The following SEMA6D variants were observed in gnomAD, a reference collection of about 807,000 sequenced individuals.
SEMA6D encodes the protein semaphorin 6D, also known as semaphorin-6D.
Under a neutral mutation model 106.6 loss-of-function variants are expected in SEMA6D, and 35 were observed. The ratio of observed to expected loss-of-function variants is 0.33; its 90% confidence interval spans 0.25 to 0.44. The LOEUF (loss-of-function observed/expected upper bound fraction) is 0.44, where lower values mean the gene tolerates loss of function less well. Ranked by LOEUF, SEMA6D falls within the 20% of genes least tolerant of loss-of-function variation. SEMA6D has a pLI of 1.00. For synonymous variants in SEMA6D, 499 were observed against 487.7 expected (o/e 1.02, Z -0.31); for missense variants, 1,185 against 1,345.9 (o/e 0.88, Z 1.87).
Position 47,689,850 on chromosome 15 carries a change from C to CG in SEMA6D, c.-54-69891dup, listed in dbSNP as rs551252514. On this transcript the variant is annotated intron_variant, in intron 4 of 19. Transcript: ENST00000558014. Reference sequence around the variant, plus strand: ...TGACAGTCTGATGAAATGAGCTTGCCGGGGCACACAGCTTTTTGGTATGCA... The same window carrying CG: ...TGACAGTCTGATGAAATGAGCTTGCCGGGGGCACACAGCTTTTTGGTATGCA... Among the ~76,000 whole-genome samples the CG allele has an allele frequency of 2.4e-4, 37 of 152,290 alleles. 1 individual carries two copies. The South Asian group carries it at 7.0e-3, about 29-fold the overall frequency.
At chr15:47,286,860 A>T (rs2035386060) in intron 1 of SEMA6D, among the ~76,000 whole-genome samples, 1 of 152,162 alleles carries the variant, frequency 6.6e-6, no homozygotes, top group Non-Finnish European at 1.5e-5. Flanking sequence ...AAAGTGGCTG[A>T]TACCCTATCT....
Position 47,730,662 on chromosome 15 carries a change from C to T in SEMA6D, c.-55+12970C>T, listed in dbSNP as rs1160590542. The T allele has an allele frequency of 1.1e-5, 17 of 1,607,532 alleles. No individual in the cohort carries two copies. In the East Asian group the frequency reaches 2.0e-4, roughly 19 times the overall value. ...TACTTGTGGGCCAGCTTATGCAGCT[C>T]GCTGTTTGGCGGTCCAGGGCCTGGG... On this transcript the variant is annotated intron_variant, in intron 1 of 18. Transcript: ENST00000536845.
At chr15:47,325,092 A>G (rs1489028183) in intron 1 of SEMA6D, among the ~76,000 whole-genome samples, 1 of 152,190 alleles carries the variant, frequency 6.6e-6, no homozygotes, top group African/African-American at 2.4e-5. Context: ...TAGAGTAGGC[A>G]ATATTTAATT....
chr15:47,402,638 G>T (rs2146019362), intron 1 of SEMA6D, among the ~76,000 whole-genome samples: 1 of 152,172 alleles, frequency 6.6e-6, no homozygotes, highest in South Asian at 2.1e-4. Flanking sequence ...TTTCCACTGG[G>T]CCCCTCCAGC....
chr15:47,301,104 A>G (rs560276506), intron 1 of SEMA6D, among the ~76,000 whole-genome samples: 3 of 152,328 alleles, frequency 2.0e-5, no homozygotes, highest in African/African-American at 4.8e-5. Flanking sequence ...GAGCTAGACA[A>G]AATGGAGTTC....
intron 4 of SEMA6D, among the ~76,000 whole-genome samples, chr15:47,676,330 C>T (rs1305308544): frequency 2.0e-5 from 3 of 152,130 alleles, no homozygotes; most frequent in African/African-American, 7.2e-5. Flanking sequence ...TAAAACTGCA[C>T]CCATCATGTC....
intron 4 of SEMA6D, among the ~76,000 whole-genome samples, chr15:47,682,973 A>G (rs901363830): frequency 2.6e-5 from 4 of 152,236 alleles, no homozygotes; most frequent in South Asian, 2.1e-4. Flanking sequence ...GCCTGAATAC[A>G]GTGAGCACGT....
intron 3 of SEMA6D, among the ~76,000 whole-genome samples, chr15:47,478,253 T>C (rs538607783): frequency 2.6e-5 from 4 of 152,324 alleles, no homozygotes; most frequent in East Asian, 3.9e-4. Flanking sequence ...GGTTTGCCTC[T>C]TTCTATTTTG....
At chr15:47,585,460 A>G (rs895178812) in intron 3 of SEMA6D, among the ~76,000 whole-genome samples, 1 of 152,138 alleles carries the variant, frequency 6.6e-6, no homozygotes, top group African/African-American at 2.4e-5. Flanking sequence ...CAGCCCCAAT[A>G]TGGGAGCCTA....
intron 4 of SEMA6D, among the ~76,000 whole-genome samples, chr15:47,642,968 GAGAT>G (rs2077516557): frequency 6.6e-6 from 1 of 151,830 alleles, no homozygotes; most frequent in African/African-American, 2.4e-5. Flanking sequence ...GATGGAGATG[GAGAT>G]AGATATACAG....
At chr15:47,263,697 A>G (rs1039439435) in intron 1 of SEMA6D, among the ~76,000 whole-genome samples, 15 of 151,886 alleles carry the variant, frequency 9.9e-5, no homozygotes, top group African/African-American at 3.6e-4. Context: ...ATCTTCCACA[A>G]TGGTCTCCAG....
chr15:47,611,152 C>T (rs1485244051), intron 4 of SEMA6D, among the ~76,000 whole-genome samples: 2 of 66,510 alleles, frequency 3.0e-5, no homozygotes, highest in Admixed American at 3.6e-4. Context: ...CCTACATACA[C>T]ACACACACAC....
chr15:47,577,294 A>G (rs2076172329), intron 3 of SEMA6D, among the ~76,000 whole-genome samples: 1 of 152,210 alleles, frequency 6.6e-6, no homozygotes, highest in South Asian at 2.1e-4. Flanking sequence ...ATCATCATTA[A>G]TCTTTGCTTC....
intron 1 of SEMA6D, among the ~76,000 whole-genome samples, chr15:47,215,557 C>T (rs1046600973): frequency 6.6e-6 from 1 of 151,990 alleles, no homozygotes; most frequent in Admixed American, 6.6e-5. Flanking sequence ...TGTATTAATT[C>T]TGTTAATACA....
intron 4 of SEMA6D, among the ~76,000 whole-genome samples, chr15:47,612,451 G>C (rs74014030): frequency 6.6e-6 from 1 of 152,192 alleles, no homozygotes; most frequent in Non-Finnish European, 1.5e-5. Flanking sequence ...GAGTAATGCC[G>C]TTAAAAATCG....
intron 1 of SEMA6D, among the ~76,000 whole-genome samples, chr15:47,747,646 G>C (rs1010043079): frequency 2.0e-5 from 3 of 152,114 alleles, no homozygotes; most frequent in Admixed American, 6.5e-5. Flanking sequence ...CATAGCCCCA[G>C]CCTCCCCTTT....
At chr15:47,553,769 T>C (rs1421687859) in intron 3 of SEMA6D, among the ~76,000 whole-genome samples, 1 of 152,088 alleles carries the variant, frequency 6.6e-6, no homozygotes, top group Admixed American at 6.6e-5. Context: ...TAAATGTCTG[T>C]GAATTAGTGC....
chr15:47,284,409 G>A (rs1437048810), intron 1 of SEMA6D, among the ~76,000 whole-genome samples: 1 of 152,150 alleles, frequency 6.6e-6, no homozygotes, highest in Admixed American at 6.5e-5. Flanking sequence ...ACTAACATAA[G>A]TTTATTATGA....
chr15:47,229,019 C>G (rs893280049), intron 1 of SEMA6D, among the ~76,000 whole-genome samples: 8 of 151,958 alleles, frequency 5.3e-5, no homozygotes, highest in Admixed American at 5.3e-4. Context: ...CGTATAATCC[C>G]AAACTGTTAC....
Sources: gnomAD v4.1 joint callset for allele counts (sites outside exome capture counted in the v4.1 genomes callset) on GRCh38, gnomAD v4.1.1 for gene constraint, MANE v1.5 for transcripts, NCBI Gene and HGNC (gene_info 2026-07-23, HGNC 2026-07-21) for gene names.